The following THEMIS variants were observed in gnomAD, a reference collection of about 807,000 sequenced individuals.
The protein encoded by THEMIS is thymocyte selection associated, also known as protein THEMIS.
In THEMIS, 37 loss-of-function variants were observed where a neutral mutation model predicts 52.6. That is an observed-to-expected ratio of 0.70 (90% CI 0.54 to 0.93). The LOEUF (loss-of-function observed/expected upper bound fraction) is 0.93, where lower values mean the gene tolerates loss of function less well. THEMIS is among the 40% of genes least tolerant of loss of function. The pLI, the probability that THEMIS is intolerant of heterozygous loss-of-function variation, is 0.00. For missense variants in THEMIS, 808 were observed against 763.1 expected (o/e 1.06, Z -0.69); for synonymous variants, 292 against 272.7 (o/e 1.07, Z -0.70).
chr6:127,716,913 CA>C (rs1774186319), intron 5 of THEMIS, among the ~76,000 whole-genome samples: 1 of 151,732 alleles, frequency 6.6e-6, no homozygotes. Context: ...GTGACATCAT[CA>C]AAAAGGGTTT....
At chr6:127,896,149 T>C (rs1437582980) in intron 1 of THEMIS, among the ~76,000 whole-genome samples, 1 of 151,354 alleles carries the variant, frequency 6.6e-6, no homozygotes, top group African/African-American at 2.4e-5. Context: ...AAACTAGAAC[T>C]AATTTAACCT....
intron 2 of THEMIS, among the ~76,000 whole-genome samples, chr6:127,839,409 T>A (rs1048700165): frequency 6.6e-6 from 1 of 152,158 alleles, no homozygotes; most frequent in Non-Finnish European, 1.5e-5. Flanking sequence ...TTTGTTCATC[T>A]TGTCATCTTA....
At chr6:127,763,830 T>A (rs1427012793) in intron 4 of THEMIS, among the ~76,000 whole-genome samples, 3 of 151,994 alleles carry the variant, frequency 2.0e-5, no homozygotes, top group Non-Finnish European at 4.4e-5. Context: ...TTTGTAAATA[T>A]CATGCTAAAG....
intron 1 of THEMIS, among the ~76,000 whole-genome samples, chr6:127,872,351 C>T (rs117412656): frequency 0.013 from 2,006 of 152,174 alleles, 59 homozygotes; most frequent in Non-Finnish European, 0.015. Flanking sequence ...GCAGGTGGAT[C>T]ACTTGAAGCC....
Position 127,730,415 on chromosome 6 carries a change from G to A in THEMIS, c.1759-10592C>T, listed in dbSNP as rs188786827. ...GAAAAGGAAGGAAGGAAGGAAAGAA[G>A]GGAGGGAGGGAGGGAGGCAGGAAGA... is the stretch of plus-strand genomic sequence containing the variant. On this transcript the variant is annotated intron_variant, in intron 4 of 5. Coordinates refer to ENST00000368248, the MANE Select transcript of THEMIS (RefSeq NM_001010923.3). Among the ~76,000 whole-genome samples the A allele has an allele frequency of 6.4e-3, 883 of 137,022 alleles. 7 individuals are homozygous for A. The highest frequency in any genetic ancestry group is 0.022 in the African/African-American group (824 of 38,034). The allele number at this position is 137,022 out of a possible 152,430, so 89.9% of individuals were successfully genotyped here. A position where few individuals can be genotyped will look rare whatever the true frequency, so the allele number is the denominator to read the frequency against.
intron 4 of THEMIS, among the ~76,000 whole-genome samples, chr6:127,738,115 C>T (rs1364266571): frequency 6.6e-6 from 1 of 152,044 alleles, no homozygotes; most frequent in Non-Finnish European, 1.5e-5. Context: ...AGGTCTCATT[C>T]TCTCCCCTCA....
chr6:127,731,625 A>C (rs1310889737), intron 4 of THEMIS, among the ~76,000 whole-genome samples: 3 of 147,450 alleles, frequency 2.0e-5, no homozygotes, highest in Non-Finnish European at 4.5e-5. Flanking sequence ...CGTATTGTTC[A>C]TGTGATTTTC....
intron 2 of THEMIS, among the ~76,000 whole-genome samples, chr6:127,851,151 G>T (rs1234134911): frequency 6.6e-6 from 1 of 151,112 alleles, no homozygotes; most frequent in Non-Finnish European, 1.5e-5. Context: ...AACACCTATG[G>T]GTCACCTTAA....
intron 1 of THEMIS, among the ~76,000 whole-genome samples, chr6:127,872,548 T>C (rs745832057): frequency 2.0e-5 from 3 of 151,776 alleles, no homozygotes; most frequent in Non-Finnish European, 4.4e-5. Flanking sequence ...GGTGACAGAG[T>C]GAGACTCTGT....
At chr6:127,848,360 T>C (rs1449583167) in intron 2 of THEMIS, among the ~76,000 whole-genome samples, 1 of 152,094 alleles carries the variant, frequency 6.6e-6, no homozygotes, top group Non-Finnish European at 1.5e-5. Context: ...CTCTTTGCTC[T>C]TGTGAATAGT....
At position 127,900,766 on chromosome 6, in the gene THEMIS, T is replaced by A. The variant is rs566922339; in HGVS notation, c.91+76A>T. 3.6e-5 allele frequency: 45 copies of A among 1,260,936 alleles called. No individual in the cohort carries two copies. In the Admixed American group the frequency reaches 5.6e-4, roughly 16 times the overall value. 78.1% of individuals were successfully genotyped at this position (1,260,936 alleles called of 1,614,324 possible). A position where few individuals can be genotyped will look rare whatever the true frequency, so the allele number is the denominator to read the frequency against. ...AGAACTCACATATTTGCTGTTAAAA[T>A]TCCCCCCCTCCAATTTTCAAAAATG... On this transcript the variant is annotated intron_variant, in intron 1 of 5. Coordinates refer to ENST00000368248, the MANE Select transcript of THEMIS (RefSeq NM_001010923.3).
intron 4 of THEMIS, among the ~76,000 whole-genome samples, chr6:127,736,861 A>T (rs1430910607): frequency 6.6e-6 from 1 of 151,608 alleles, no homozygotes; most frequent in Non-Finnish European, 1.5e-5. Flanking sequence ...CAAAAAAAAA[A>T]AAAAAAGAAA....
rs58472332 is a variant in THEMIS, at chr6:127,907,337, A to ATTTTTTTTTTTTTTTTTTTTT, written c.-149-6277_-149-6257dup. Among the ~76,000 whole-genome samples the ATTTTTTTTTTTTTTTTTTTTT allele has an allele frequency of 8.1e-4, 40 of 49,458 alleles. 10 individuals carry two copies. The highest frequency in any genetic ancestry group is 1.1e-3 in the Admixed American group (4 of 3,518). The allele number at this position is 49,458 out of a possible 152,430, so 32.4% of individuals were successfully genotyped here. A position where few individuals can be genotyped will look rare whatever the true frequency, so the allele number is the denominator to read the frequency against. ...AATACCATTAGGGCATTAGGCTCGGATTTTTTTTTTTTTTTTTTTTTTTTT... is the reference window on the plus strand; with the variant it reads ...AATACCATTAGGGCATTAGGCTCGGATTTTTTTTTTTTTTTTTTTTTTTTTTTTTTTTTTTTTTTTTTTTTT... On this transcript the variant is annotated intron_variant, in intron 1 of 6. Coordinates refer to the THEMIS transcript ENST00000368250.
intron 4 of THEMIS, among the ~76,000 whole-genome samples, chr6:127,793,080 C>T (rs1777211876): frequency 1.3e-5 from 2 of 152,192 alleles, no homozygotes; most frequent in African/African-American, 2.4e-5. Flanking sequence ...ATAAGGGAAA[C>T]AATATTGTGA....
intron 1 of THEMIS, among the ~76,000 whole-genome samples, chr6:127,916,357 C>G (rs144514777): frequency 1.3e-5 from 2 of 152,138 alleles, no homozygotes; most frequent in African/African-American, 4.8e-5. Context: ...GTCCCCACCA[C>G]TGTCCTCCAT....
At chr6:127,722,743 T>G (rs577762196) in intron 4 of THEMIS, among the ~76,000 whole-genome samples, 1 of 152,020 alleles carries the variant, frequency 6.6e-6, no homozygotes, top group Non-Finnish European at 1.5e-5. Context: ...TACTTTGATA[T>G]TCCTGTCGTC....
intron 1 of THEMIS, among the ~76,000 whole-genome samples, chr6:127,865,618 G>A (rs1199919878): frequency 2.0e-5 from 3 of 152,028 alleles, no homozygotes; most frequent in African/African-American, 4.8e-5. Context: ...TAATAGAAAT[G>A]TAAATTATTA....
At chr6:127,902,358 G>C (rs1781163994), upstream of THEMIS, among the ~76,000 whole-genome samples, 1 of 150,494 alleles carries the variant, frequency 6.6e-6, no homozygotes, top group South Asian at 2.1e-4. Flanking sequence ...AAGAATACTG[G>C]TTGGTATGTA....
chr6:127,812,534 G>GA (rs970185174), intron 4 of THEMIS, among the ~76,000 whole-genome samples: 6 of 151,284 alleles, frequency 4.0e-5, no homozygotes, highest in African/African-American at 4.8e-5. Flanking sequence ...ATTTTACTTA[G>GA]AAAAAAAAAT....
Sources: gnomAD v4.1 joint callset for allele counts (sites outside exome capture counted in the v4.1 genomes callset) on GRCh38, gnomAD v4.1.1 for gene constraint, MANE v1.5 for transcripts, NCBI Gene and HGNC (gene_info 2026-07-23, HGNC 2026-07-21) for gene names.